Variants in EXOSC2 observed in about 807,000 individuals in gnomAD.
EXOSC2 encodes the protein exosome complex component RRP4.
EXOSC2 carries 29 observed loss-of-function variants against 37.6 expected under a neutral mutation model. The ratio of observed to expected loss-of-function variants is 0.77; its 90% CI spans 0.57 to 1.05. The LOEUF is 1.05. Ranked by LOEUF, EXOSC2 falls within the 50% of genes least tolerant of loss-of-function variation. The probability of loss-of-function intolerance (pLI) is 0.00; values close to 1 mark genes in which losing one functional copy is unlikely to be tolerated. For missense variants in EXOSC2, 346 were observed against 365.6 expected (o/e 0.95, Z 0.44); for synonymous variants, 119 against 131.1 (o/e 0.91, Z 0.63).
chr9:130,700,333 A>T (rs1023397046), intron 5 of EXOSC2, among the ~76,000 whole-genome samples: 5 of 110,586 alleles, frequency 4.5e-5, no homozygotes, highest in South Asian at 2.6e-4. Flanking sequence ...TCTTTATTTT[A>T]TTTATTTATT....
At chr9:130,701,734 A>G in intron 6 of EXOSC2, 2 of 842,998 alleles carry the variant, frequency 2.4e-6, no homozygotes, top group Non-Finnish European at 2.9e-6. Context: ...AGAGGCACAC[A>G]TCTCACAGGC....
At chr9:130,696,707 C>T (rs1312860507) in intron 2 of EXOSC2, among the ~76,000 whole-genome samples, 1 of 152,178 alleles carries the variant, frequency 6.6e-6, no homozygotes, top group Non-Finnish European at 1.5e-5. Context: ...TTACTTCTTC[C>T]TTTCCAATTT....
intron 3 of EXOSC2, 189 bp from the exon 4 acceptor site, chr9:130,697,973 T>C (rs910129310): frequency 1.6e-5 from 9 of 574,164 alleles, no homozygotes; most frequent in African/African-American, 3.8e-5. Flanking sequence ...TTTGTATTTT[T>C]AGTAGAGATG....
chr9:130,702,498 T>C (rs1831239225), intron 7 of EXOSC2, among the ~76,000 whole-genome samples, 188 bp downstream of exon 7: 1 of 152,166 alleles, frequency 6.6e-6, no homozygotes, highest in Admixed American at 6.5e-5. Context: ...ATTCAGTGAA[T>C]GGTTTGGTGT....
At chr9:130,699,965 C>A (rs577892117) in intron 5 of EXOSC2, among the ~76,000 whole-genome samples, 1 of 152,178 alleles carries the variant, frequency 6.6e-6, no homozygotes, top group Admixed American at 6.5e-5. Context: ...TATGATCACA[C>A]CACTGCATTC....
In EXOSC2 at chr9:130,694,959, C is replaced by G. The variant is rs554667207; in HGVS notation, c.123-533C>G. On this transcript the variant is annotated intron_variant, in intron 1 of 8. Coordinates refer to ENST00000372358, the MANE Select transcript of EXOSC2 (RefSeq NM_014285.7). The surrounding 1 kb of genome is among the most constrained non-coding windows in gnomAD (Gnocchi z 4.0). Reference sequence around the variant, plus strand: ...CCCCTGACCTCAAGTGTGATCTGCCCGCCTCGGCCTCCCAAAGTGCTGGGA... The same window carrying G: ...CCCCTGACCTCAAGTGTGATCTGCCGGCCTCGGCCTCCCAAAGTGCTGGGA... Among the ~76,000 whole-genome samples the G allele has an allele frequency of 1.3e-5, 2 of 151,902 alleles. No individual in the cohort carries two copies. Among genetic ancestry groups the G allele is most frequent in the African/African-American group, 4.8e-5 (2 of 41,340 alleles).
In EXOSC2 at chr9:130,701,022, A is replaced by C. The variant is rs569446428; in HGVS notation, c.495+87A>C. Reference sequence around the variant, plus strand: ...CCATAGCTCTCTGGAATTCTGGCCTAAAGAACCCCAGTAGCTAAGCATTAA... The same window carrying C: ...CCATAGCTCTCTGGAATTCTGGCCTCAAGAACCCCAGTAGCTAAGCATTAA... On this transcript the variant is annotated intron_variant, in intron 6 of 8. Transcript: ENST00000372358. 64 of 1,293,392 alleles carry C rather than the reference A, an allele frequency of 4.9e-5. No individual in the cohort carries two copies. In the African/African-American group the frequency reaches 8.4e-4, roughly 17 times the overall value. 80.1% of individuals were successfully genotyped at this position (1,293,392 alleles called of 1,614,324 possible). A position where few individuals can be genotyped will look rare whatever the true frequency, so the allele number is the denominator to read the frequency against.
chr9:130,699,003 G>C (rs1428906429), intron 4 of EXOSC2, among the ~76,000 whole-genome samples: 1 of 152,154 alleles, frequency 6.6e-6, no homozygotes, highest in Admixed American at 6.6e-5. Flanking sequence ...ATCCAAGCAG[G>C]AGTTAGTCTG....
chr9:130,700,160 T>A (rs899290045), intron 5 of EXOSC2, among the ~76,000 whole-genome samples: 7 of 151,556 alleles, frequency 4.6e-5, no homozygotes, highest in Non-Finnish European at 8.8e-5. Context: ...ATAGCTAGGA[T>A]TACCGGCGTG....
In EXOSC2 at chr9:130,703,840, A is replaced by G. The variant is rs563080155; in HGVS notation, c.*66A>G. On this transcript the variant is annotated 3_prime_UTR_variant, in exon 9 of 9. Transcript: ENST00000372358. ...GTGAAGACTGTGATGTGTGGTCCCC[A>G]TATGTGGCTCAGCAAAGACTCGAGA... The G allele has an allele frequency of 3.8e-6, 5 of 1,317,562 alleles. No individual in the cohort carries two copies. The African/African-American group carries it at 4.4e-5, about 12-fold the overall frequency. The allele number at this position is 1,317,562 out of a possible 1,614,324, so 81.6% of individuals were successfully genotyped here.
In EXOSC2 at chr9:130,702,997, G is replaced by A. The variant is rs1387879854; in HGVS notation, c.673-56G>A. 1.7e-5 allele frequency: 27 copies of A among 1,573,730 alleles called. No homozygotes were observed. In the South Asian group the frequency reaches 2.8e-4, roughly 16 times the overall value. ...ATTTATTTGTGAATTTCTGTGGCTG[G>A]TCACGTATTTTGGTCCTGTTTGTAT... On this transcript the variant is annotated intron_variant, in intron 7 of 8. Transcript: ENST00000372358.
At chr9:130,701,523 G>A in intron 6 of EXOSC2, 1 of 919,926 alleles carries the variant, frequency 1.1e-6, no homozygotes, top group Non-Finnish European at 1.3e-6. Context: ...TTTCTGAGTG[G>A]AACAAAAACC....
chr9:130,701,806 C>T, intron 6 of EXOSC2: 1 of 1,068,096 alleles, frequency 9.4e-7, no homozygotes, highest in Non-Finnish European at 1.1e-6. Context: ...TGCTCCTGGG[C>T]CAGCAGGAGG....
Position 130,703,744 on chromosome 9 carries a change from A to C in EXOSC2, c.852A>C (p.Thr284=). Reference sequence around the variant, plus strand: ...TAATGGAGGAGATTGTGATGGAAACACGCCAGAGGCTTTTGGAACAGGAGG... The same window carrying C: ...TAATGGAGGAGATTGTGATGGAAACCCGCCAGAGGCTTTTGGAACAGGAGG... The part of the protein sequence containing the change: ...PEIMEEIVME[T]RQRLLEQEG Residue 284 remains threonine, a synonymous_variant, in exon 9 of 9, where the codon ACA becomes ACC. Transcript: ENST00000372358. 6.2e-7 allele frequency: 1 copy of C among 1,613,962 alleles called. No homozygotes were observed. The highest frequency in any genetic ancestry group is 8.5e-7 in the Non-Finnish European group (1 of 1,179,894).
intron 6 of EXOSC2, chr9:130,701,770 T>G: frequency 2.1e-6 from 2 of 935,024 alleles, no homozygotes; most frequent in Non-Finnish European, 2.6e-6. Flanking sequence ...GGTTCAGGTA[T>G]GAGCTAGGGT....
chr9:130,702,560 G>A (rs1364113520), intron 7 of EXOSC2, among the ~76,000 whole-genome samples: 1 of 148,450 alleles, frequency 6.7e-6, no homozygotes, highest in Non-Finnish European at 1.5e-5. Flanking sequence ...AGCCAGTGAA[G>A]AAGCCATTCT....
intron 2 of EXOSC2, 135 bp downstream of exon 2, chr9:130,695,728 T>G (rs1022661701): frequency 1.4e-6 from 1 of 722,466 alleles, no homozygotes; most frequent in Non-Finnish European, 2.4e-6. Context: ...TGACCATGAC[T>G]GTAGGTGGGG....
intron 6 of EXOSC2, chr9:130,701,757 T>C: frequency 1.1e-6 from 1 of 893,352 alleles, no homozygotes; most frequent in Non-Finnish European, 1.3e-6. Flanking sequence ...GATGAGTGTT[T>C]GGGGTTCAGG....
At chr9:130,697,028 A>G (rs889973935) in intron 2 of EXOSC2, among the ~76,000 whole-genome samples, 4 of 152,228 alleles carry the variant, frequency 2.6e-5, no homozygotes, top group African/African-American at 9.6e-5. Context: ...GGAATTCAGG[A>G]GAGTGGCACA....
Sources: gnomAD v4.1 joint callset for allele counts (sites outside exome capture counted in the v4.1 genomes callset) on GRCh38, gnomAD v4.1.1 for gene constraint, Gnocchi (gnomAD v3.1) non-coding constraint, MANE v1.5 for transcripts, NCBI Gene and HGNC (gene_info 2026-07-23, HGNC 2026-07-21) for gene names.